The following LRP5 variants were observed in gnomAD, a reference collection of about 807,000 sequenced individuals.
LRP5 encodes LDL receptor related protein 5.
In LRP5, 62 loss-of-function variants were observed where a neutral mutation model predicts 154.1. The observed-to-expected ratio is 0.40, with a 90% CI of 0.33 to 0.50. The LOEUF is 0.50. Among genes scored for constraint, LRP5 ranks in the 20% least tolerant of loss-of-function variants. The pLI is 0.55. For missense variants in LRP5, 1,915 were observed against 2,336.7 expected (o/e 0.82, Z 3.72); for synonymous variants, 966 against 1,011.5 (o/e 0.96, Z 0.85).
At chr11:68,308,512 G>C (rs1488911522), upstream of LRP5, among the ~76,000 whole-genome samples, 1 of 152,286 alleles carries the variant, frequency 6.6e-6, no homozygotes, top group East Asian at 1.9e-4. Context: ...CTGATGAGCT[G>C]TGACAGGCAA....
At chr11:68,356,693 A>G (rs2098623438) in intron 2 of LRP5, among the ~76,000 whole-genome samples, 1 of 152,190 alleles carries the variant, frequency 6.6e-6, no homozygotes, top group African/African-American at 2.4e-5. Context: ...ACAGATGAGT[A>G]AGGACATGCA....
intron 2 of LRP5, among the ~76,000 whole-genome samples, chr11:68,356,939 C>CTT (rs1206842769): frequency 9.2e-5 from 13 of 142,004 alleles, no homozygotes; most frequent in African/African-American, 3.1e-4. Context: ...CTTTTCTTTT[C>CTT]TTTTTTTTTT....
chr11:68,307,271 A>G, the LRP5 span, among the ~76,000 whole-genome samples: 1 of 152,242 alleles, frequency 6.6e-6, no homozygotes, highest in Non-Finnish European at 1.5e-5. Context: ...TAGGAGTTCA[A>G]GACCAGCCTG....
intron 18 of LRP5, among the ~76,000 whole-genome samples, chr11:68,436,575 G>C (rs941687258): frequency 2.0e-5 from 3 of 151,990 alleles, no homozygotes; most frequent in African/African-American, 7.3e-5. Context: ...ACCTGGTAGA[G>C]CCTTGGGCGG....
At chr11:68,389,324 C>T (rs1319635754) in intron 6 of LRP5, among the ~76,000 whole-genome samples, 1 of 152,044 alleles carries the variant, frequency 6.6e-6, no homozygotes. Flanking sequence ...ACACTGACAT[C>T]TACTGACACT....
intron 1 of LRP5, among the ~76,000 whole-genome samples, chr11:68,327,633 A>G (rs1439047223): frequency 2.0e-5 from 3 of 152,168 alleles, no homozygotes; most frequent in Admixed American, 6.5e-5. Flanking sequence ...AAATGGGGTG[A>G]CAGTAGTTCC....
intron 5 of LRP5, among the ~76,000 whole-genome samples, chr11:68,366,978 G>A (rs1407990813): frequency 7.7e-5 from 10 of 129,422 alleles, no homozygotes; most frequent in Admixed American, 1.9e-4. Flanking sequence ...GGCCTCTGGC[G>A]CTCGCACTCT....
At chr11:68,432,625 G>C (rs900644820) in intron 17 of LRP5, among the ~76,000 whole-genome samples, 19 of 152,194 alleles carry the variant, frequency 1.2e-4, no homozygotes, top group African/African-American at 4.6e-4. Context: ...TCAGCTTGGC[G>C]GGGGCTTTGC....
chr11:68,335,434 C>T (rs568119447), intron 1 of LRP5, among the ~76,000 whole-genome samples: 17 of 151,700 alleles, frequency 1.1e-4, no homozygotes, highest in African/African-American at 3.9e-4. Context: ...CAGTAGCTCA[C>T]GCCTGTAATC....
At position 68,423,624 on chromosome 11, in the gene LRP5, G is replaced by A. The variant is rs1248232270; in HGVS notation, c.3163G>A (p.Gly1055Arg). 10 of 1,614,066 alleles carry A rather than the reference G, an allele frequency of 6.2e-6. No individual in the cohort carries two copies. Among genetic ancestry groups the A allele is most frequent in the African/African-American group, 1.3e-5 (1 of 74,942 alleles). The change falls in exon 14 of 23, where the codon GGG (glycine) becomes AGG (arginine). Residue 1055 changes from glycine (G) to arginine (R), a missense_variant. This residue lies in a region of LRP5 where 1,094 missense variants were observed against 1,210.1 expected (regional missense o/e 0.90). Transcript: ENST00000294304. The surrounding 1 kb of genome is among the most constrained non-coding windows in gnomAD (Gnocchi z 4.7). ...TACCATCAACGTCCACAGGCTGAGC[G>A]GGGAAGCCATGGGGGTGGTGCTGCG... is the stretch of plus-strand genomic sequence containing the variant. ...TNTINVHRLS[G>R]EAMGVVLRGD...
chr11:68,399,195 C>T lies in LRP5; in HGVS notation c.1585-4288C>T, dbSNP rs114500681. 7.2e-3 allele frequency among the ~76,000 whole-genome samples: 1,097 copies of T among 152,122 alleles called. 10 individuals are homozygous for T. Among genetic ancestry groups the T allele is most frequent in the African/African-American group, 0.025 (1,039 of 41,474 alleles). ...CCAGCCTGGGTGACAGAGCAAGAAC[C>T]TATCTCTTAAAAATATATATTTAAA... On this transcript the variant is annotated intron_variant, in intron 7 of 22. Coordinates refer to ENST00000294304, the MANE Select transcript of LRP5 (RefSeq NM_002335.4).
the LRP5 span, among the ~76,000 whole-genome samples, chr11:68,302,022 C>G: frequency 6.6e-6 from 1 of 151,630 alleles, no homozygotes; most frequent in Non-Finnish European, 1.5e-5. Flanking sequence ...ATCCCTCTAC[C>G]TTTTTGTAAA....
At chr11:68,439,724 C>A in intron 20 of LRP5, 53 bp from the exon 21 acceptor site, 1 of 1,580,726 alleles carries the variant, frequency 6.3e-7, no homozygotes, top group Non-Finnish European at 8.6e-7. Flanking sequence ...GTCTGTGGGG[C>A]GGCTTGGCTG....
intron 2 of LRP5, among the ~76,000 whole-genome samples, chr11:68,351,148 G>A (rs1228106526): frequency 6.6e-6 from 1 of 152,180 alleles, no homozygotes; most frequent in Non-Finnish European, 1.5e-5. Context: ...AGTATTTTGA[G>A]TCCCTGAGGT....
Position 68,439,931 on chromosome 11 carries a change from CGGGGA to C in LRP5, c.4488+20_4488+24del. 3 of 405,842 alleles carry C rather than the reference CGGGGA, an allele frequency of 7.4e-6. No homozygotes were observed. Among genetic ancestry groups the C allele is most frequent in the Non-Finnish European group, 9.4e-6 (2 of 213,250 alleles). 25.1% of individuals were successfully genotyped at this position (405,842 alleles called of 1,614,324 possible). A position where few individuals can be genotyped will look rare whatever the true frequency, so the allele number is the denominator to read the frequency against. ...TGTACCCGCCGGTGAGGGGCGGGGC[CGGGGA>C]GGGGCGGGGCGGGATGGGGCTGTGG... On this transcript the variant is annotated intron_variant, in intron 21 of 22. Transcript: ENST00000294304.
Position 68,433,775 on chromosome 11 carries a change from C to T in LRP5, c.3937C>T (p.Leu1313=), listed in dbSNP as rs762695831. 1.2e-6 allele frequency: 2 copies of T among 1,612,612 alleles called. No homozygotes were observed. The highest frequency in any genetic ancestry group is 1.7e-6 in the Non-Finnish European group (2 of 1,179,758). ...FPCARGQCVD[L]RLRCDGEADC... ...CTGCGCGCGGGGTCAGTGTGTGGAC[C>T]TGCGCCTGCGCTGCGACGGCGAGGC... Residue 1313 remains leucine, a synonymous_variant, in exon 18 of 23, where the codon CTG becomes TTG. Transcript: ENST00000294304.
At chr11:68,333,870 G>A (rs1234404375) in intron 1 of LRP5, among the ~76,000 whole-genome samples, 1 of 152,184 alleles carries the variant, frequency 6.6e-6, no homozygotes, top group Admixed American at 6.5e-5. Flanking sequence ...AGTGGATTCA[G>A]TGCAGGGGCC....
chr11:68,448,009 TGTAAA>T (rs1304201238), intron 22 of LRP5, among the ~76,000 whole-genome samples: 3 of 152,164 alleles, frequency 2.0e-5, no homozygotes, highest in Non-Finnish European at 2.9e-5. Context: ...ACTGGGTAAT[TGTAAA>T]GGAAAGAGGT....
intron 13 of LRP5, among the ~76,000 whole-genome samples, chr11:68,421,686 C>CTGTGTG (rs148066763): frequency 0.092 from 12,213 of 133,056 alleles, 682 homozygotes; most frequent in Non-Finnish European, 0.12. Flanking sequence ...CCCAGCAAGG[C>CTGTGTG]TGTGTGTGTG....
Sources: allele counts gnomAD v4.1 joint callset (sites outside exome capture counted in the v4.1 genomes callset), GRCh38; gene constraint gnomAD v4.1.1; regional missense constraint gnomAD v4.1.1; non-coding constraint Gnocchi (gnomAD v3.1); transcripts MANE v1.5; gene names NCBI Gene and HGNC (gene_info 2026-07-23, HGNC 2026-07-21).